Variants in WDPCP observed in about 807,000 individuals in gnomAD.
The protein encoded by WDPCP is WD repeat-containing and planar cell polarity effector protein fritz homolog.
A neutral mutation model predicts 93.1 loss-of-function variants in WDPCP; 71 were observed. That is an observed-to-expected ratio of 0.76 (90% CI 0.63 to 0.93). The LOEUF is 0.93. Ranked by LOEUF, WDPCP falls within the 40% of genes least tolerant of loss-of-function variation. The probability of loss-of-function intolerance (pLI) is 0.00; values close to 1 mark genes in which losing one functional copy is unlikely to be tolerated. For missense variants in WDPCP, 844 were observed against 887.4 expected (o/e 0.95, Z 0.62); for synonymous variants, 315 against 315.0 (o/e 1.00, Z 0.00).
chr2:63,213,190 G>A (rs1020893923), intron 14 of WDPCP, among the ~76,000 whole-genome samples: 6 of 152,142 alleles, frequency 3.9e-5, no homozygotes, highest in Admixed American at 2.0e-4. Flanking sequence ...GCACCACATC[G>A]CACTTTTTCC....
chr2:63,229,284 G>T (rs2104543116), intron 14 of WDPCP: 1 of 152,082 alleles, frequency 6.6e-6, no homozygotes, highest in South Asian at 2.1e-4. Flanking sequence ...GGGGTTGTTT[G>T]TTTTTTTCTT....
intron 13 of WDPCP, among the ~76,000 whole-genome samples, chr2:63,293,260 T>C (rs1684581846): frequency 6.6e-6 from 1 of 152,228 alleles, no homozygotes; most frequent in Non-Finnish European, 1.5e-5. Flanking sequence ...ATTAGAAAGT[T>C]ACCACACATT....
intron 2 of WDPCP, among the ~76,000 whole-genome samples, chr2:63,704,923 G>A (rs887787787): frequency 6.6e-6 from 1 of 152,078 alleles, no homozygotes; most frequent in Non-Finnish European, 1.5e-5. Context: ...GAATCCATCT[G>A]GTCCTGGACT....
chr2:63,392,267 C>A (rs954665096), intron 10 of WDPCP, among the ~76,000 whole-genome samples: 7 of 152,070 alleles, frequency 4.6e-5, no homozygotes, highest in African/African-American at 1.7e-4. Context: ...ACAAACCTGA[C>A]AAAAACAAGC....
At chr2:63,636,025 A>C (rs1009736000) in intron 3 of WDPCP, among the ~76,000 whole-genome samples, 1 of 152,244 alleles carries the variant, frequency 6.6e-6, no homozygotes, top group African/African-American at 2.4e-5. Context: ...ATAGAAAATC[A>C]ACATATTAAT....
At chr2:63,485,596 T>C (rs1700527509) in intron 4 of WDPCP, among the ~76,000 whole-genome samples, 1 of 151,878 alleles carries the variant, frequency 6.6e-6, no homozygotes, top group Non-Finnish European at 1.5e-5. Context: ...AATTGAATAA[T>C]GATAAGCCTT....
At chr2:63,793,943 A>G (rs938106928) in intron 2 of WDPCP, among the ~76,000 whole-genome samples, 4 of 151,492 alleles carry the variant, frequency 2.6e-5, no homozygotes, top group Non-Finnish European at 5.9e-5. Context: ...CAGGCAGGAA[A>G]TTTAATTTTT....
intron 14 of WDPCP, among the ~76,000 whole-genome samples, chr2:63,203,446 A>G (rs529760484): frequency 6.6e-6 from 1 of 152,246 alleles, no homozygotes; most frequent in African/African-American, 2.4e-5. Flanking sequence ...TGTATTAACC[A>G]TCTCCAACTC....
intron 2 of WDPCP, among the ~76,000 whole-genome samples, chr2:63,663,041 C>T (rs1323215169): frequency 1.3e-5 from 2 of 152,224 alleles, no homozygotes; most frequent in African/African-American, 4.8e-5. Flanking sequence ...CAGCCCTAGC[C>T]ATGTTATGTC....
intron 14 of WDPCP, among the ~76,000 whole-genome samples, chr2:63,248,477 TG>T (rs1680462194): frequency 6.6e-6 from 1 of 152,162 alleles, no homozygotes; most frequent in Non-Finnish European, 1.5e-5. Flanking sequence ...TCCTCAAATT[TG>T]GGAGGGTTTT....
At chr2:63,630,181 G>C (rs946641444) in intron 3 of WDPCP, among the ~76,000 whole-genome samples, 1 of 151,916 alleles carries the variant, frequency 6.6e-6, no homozygotes, top group Non-Finnish European at 1.5e-5. Flanking sequence ...ATTCACAAAC[G>C]TATTCAAGTA....
chr2:63,438,571 G>GA (rs1192674919), intron 7 of WDPCP, among the ~76,000 whole-genome samples: 2 of 152,024 alleles, frequency 1.3e-5, no homozygotes, highest in Non-Finnish European at 1.5e-5. Flanking sequence ...TCAATTATTA[G>GA]ACATATGAAA....
At chr2:63,562,361 T>A (rs1041128155) in intron 1 of WDPCP, among the ~76,000 whole-genome samples, 3 of 151,926 alleles carry the variant, frequency 2.0e-5, no homozygotes, top group African/African-American at 7.3e-5. Context: ...ACACACTGGG[T>A]AGAGCCTGTC....
intron 14 of WDPCP, among the ~76,000 whole-genome samples, chr2:63,189,617 G>T (rs1014797885): frequency 6.6e-6 from 1 of 152,176 alleles, no homozygotes; most frequent in Non-Finnish European, 1.5e-5. Context: ...AGGACTAAAT[G>T]CTTTTTCCTT....
At chr2:63,652,501 G>T (rs72885390) in intron 2 of WDPCP, among the ~76,000 whole-genome samples, 293 of 152,282 alleles carry the variant, frequency 1.9e-3, no homozygotes, top group African/African-American at 6.8e-3. Context: ...CTACAAGTAG[G>T]CAACTGTGTG....
chr2:63,120,524 ATTTTTTTT>A lies in WDPCP; in HGVS notation c.*1474_*1481del, dbSNP rs11344156. Among the ~76,000 whole-genome samples, 334 of 108,870 alleles carry A rather than the reference ATTTTTTTT, an allele frequency of 3.1e-3. 2 individuals carry two copies. In the Middle Eastern group the frequency reaches 0.04, roughly 13 times the overall value. The allele number at this position is 108,870 out of a possible 152,430, so 71.4% of individuals were successfully genotyped here. A position where few individuals can be genotyped will look rare whatever the true frequency, so the allele number is the denominator to read the frequency against. On this transcript the variant is annotated 3_prime_UTR_variant, in exon 18 of 18. Coordinates refer to ENST00000272321, the MANE Select transcript of WDPCP (RefSeq NM_015910.7). ...TTGATTATTATTATAGATGTCTATA[ATTTTTTTT>A]TTTTTTTTTTTTGCAACGGAGTCTT... is the stretch of plus-strand genomic sequence containing the variant.
At chr2:63,158,653 C>T (rs1001079705) in intron 15 of WDPCP, among the ~76,000 whole-genome samples, 4 of 152,112 alleles carry the variant, frequency 2.6e-5, no homozygotes, top group African/African-American at 9.7e-5. Context: ...TTTATCCTCT[C>T]CTTCTACAGC....
At chr2:63,155,193 C>A (rs1016242186) in intron 15 of WDPCP, among the ~76,000 whole-genome samples, 2 of 152,064 alleles carry the variant, frequency 1.3e-5, no homozygotes, top group African/African-American at 4.8e-5. Context: ...TTGGAGAATT[C>A]TTTGTTAATC....
intron 3 of WDPCP, among the ~76,000 whole-genome samples, chr2:63,617,087 C>T (rs74181287): frequency 0.019 from 2,931 of 152,212 alleles, 41 homozygotes; most frequent in Non-Finnish European, 0.029. Context: ...CACCTCACCA[C>T]AGGAAAAATT....
Sources: allele counts gnomAD v4.1 joint callset (sites outside exome capture counted in the v4.1 genomes callset), GRCh38; gene constraint gnomAD v4.1.1; transcripts MANE v1.5; gene names NCBI Gene and HGNC (gene_info 2026-07-23, HGNC 2026-07-21).